The following KCNC2 variants were observed in gnomAD, a reference collection of about 807,000 sequenced individuals.
KCNC2 encodes the protein potassium voltage-gated channel subfamily C member 2.
In KCNC2, 21 loss-of-function variants were observed where a neutral mutation model predicts 44.5. That is an observed-to-expected ratio of 0.47 (90% CI 0.33 to 0.68). KCNC2 has a LOEUF of 0.68. KCNC2 is among the 30% of genes least tolerant of loss of function. KCNC2 has a pLI of 0.01. For missense variants in KCNC2, 589 were observed against 826.2 expected (o/e 0.71, Z 3.52); for synonymous variants, 391 against 339.1 (o/e 1.15, Z -1.68).
At chr12:75,076,372 A>G (rs1883976648) in intron 2 of KCNC2, among the ~76,000 whole-genome samples, 1 of 152,056 alleles carries the variant, frequency 6.6e-6, no homozygotes, top group Non-Finnish European at 1.5e-5. Flanking sequence ...TCGCGGGTTC[A>G]CGCCATTCTC....
At chr12:75,050,119 G>A (rs536368736) in intron 3 of KCNC2, among the ~76,000 whole-genome samples, 1 of 151,838 alleles carries the variant, frequency 6.6e-6, no homozygotes, top group South Asian at 2.1e-4. Context: ...GCAACAAACA[G>A]GCAAAAGAAA....
At chr12:75,181,742 A>T (rs375513233) in intron 2 of KCNC2, among the ~76,000 whole-genome samples, 124 of 152,090 alleles carry the variant, frequency 8.2e-4, no homozygotes, top group African/African-American at 2.6e-3. Context: ...ACCTCAACAG[A>T]TCTCAATTTC....
At chr12:75,192,840 C>T (rs946860831) in intron 2 of KCNC2, among the ~76,000 whole-genome samples, 6 of 151,942 alleles carry the variant, frequency 3.9e-5, no homozygotes, top group East Asian at 3.9e-4. Flanking sequence ...AGTAATCTAT[C>T]GCACAAAATG....
chr12:75,112,107 G>A (rs1887303760), intron 2 of KCNC2, among the ~76,000 whole-genome samples: 1 of 151,172 alleles, frequency 6.6e-6, no homozygotes, highest in Non-Finnish European at 1.5e-5. Flanking sequence ...TTTATTTTTT[G>A]TTAACTATAA....
rs564875054 is a variant in KCNC2, at chr12:75,102,636, CAT to C, written c.688-51321_688-51320del. On this transcript the variant is annotated intron_variant, in intron 2 of 4. Coordinates refer to ENST00000549446, the MANE Select transcript of KCNC2 (RefSeq NM_139137.4). The stretch of plus-strand genomic sequence containing the variant: ...ATACATTTATCTATGTAAACACACA[CAT>C]ATTTCTAATTAATATATGCATACGT... Among the ~76,000 whole-genome samples the C allele has an allele frequency of 1.5e-4, 23 of 152,160 alleles. No individual in the cohort carries two copies. The East Asian group carries it at 4.1e-3, about 27-fold the overall frequency.
intron 2 of KCNC2, among the ~76,000 whole-genome samples, chr12:75,060,406 C>T (rs1190683909): frequency 6.6e-6 from 1 of 151,970 alleles, no homozygotes; most frequent in Non-Finnish European, 1.5e-5. Flanking sequence ...ATGGCACTCA[C>T]CTGCTTAAAA....
chr12:75,200,501 C>T (rs2031155522), intron 2 of KCNC2, among the ~76,000 whole-genome samples: 1 of 151,758 alleles, frequency 6.6e-6, no homozygotes, highest in South Asian at 2.1e-4. Context: ...AAGCCATATT[C>T]CCACAAATCT....
At chr12:75,170,508 A>T (rs1371319442) in intron 2 of KCNC2, among the ~76,000 whole-genome samples, 2 of 151,780 alleles carry the variant, frequency 1.3e-5, no homozygotes, top group Non-Finnish European at 2.9e-5. Flanking sequence ...AAAAACCTGA[A>T]TACCTGAATG....
chr12:75,071,540 T>C (rs1883400167), intron 2 of KCNC2, among the ~76,000 whole-genome samples: 1 of 152,222 alleles, frequency 6.6e-6, no homozygotes. Flanking sequence ...AATAATAAAC[T>C]ATGCTTTCTA....
intron 2 of KCNC2, among the ~76,000 whole-genome samples, chr12:75,057,371 A>G (rs1197636724): frequency 2.6e-5 from 4 of 151,994 alleles, no homozygotes; most frequent in African/African-American, 9.7e-5. Flanking sequence ...TTAAAGGCCA[A>G]TCAAGTAGGA....
intron 2 of KCNC2, among the ~76,000 whole-genome samples, chr12:75,193,721 T>A (rs1389370789): frequency 6.6e-6 from 1 of 152,158 alleles, no homozygotes; most frequent in Non-Finnish European, 1.5e-5. Flanking sequence ...TAAAACTTAC[T>A]TTTTTAGACC....
chr12:75,143,596 G>A (rs2041304109), intron 2 of KCNC2, among the ~76,000 whole-genome samples: 1 of 152,060 alleles, frequency 6.6e-6, no homozygotes, highest in Non-Finnish European at 1.5e-5. Flanking sequence ...CCTTGATCTT[G>A]AGCTCTCCTT....
chr12:75,165,865 C>G (rs1891415539), intron 2 of KCNC2, among the ~76,000 whole-genome samples: 1 of 151,306 alleles, frequency 6.6e-6, no homozygotes, highest in Non-Finnish European at 1.5e-5. Flanking sequence ...AACAGGCTAG[C>G]CATTGCTTAT....
rs530185594 is a variant in KCNC2 at position 75,163,197 on chromosome 12, T to G, written c.687+44100A>C. Reference sequence around the variant, plus strand: ...TGGTTGCAAGAATAAAAGGGTGTGTTGCTGCTATCATGTGTTTTTACATTA... The same window carrying G: ...TGGTTGCAAGAATAAAAGGGTGTGTGGCTGCTATCATGTGTTTTTACATTA... On this transcript the variant is annotated intron_variant, in intron 2 of 4. Coordinates refer to ENST00000549446, the MANE Select transcript of KCNC2 (RefSeq NM_139137.4). Among the ~76,000 whole-genome samples the G allele has an allele frequency of 3.3e-5, 5 of 151,770 alleles. No homozygotes were observed. In the South Asian group the frequency reaches 1.0e-3, roughly 31 times the overall value.
chr12:75,056,202 G>A (rs1881729369), intron 2 of KCNC2, among the ~76,000 whole-genome samples: 1 of 151,864 alleles, frequency 6.6e-6, no homozygotes, highest in African/African-American at 2.4e-5. Flanking sequence ...TGTTGATTTG[G>A]TATGCAAAAA....
At chr12:75,201,023 T>G (rs907254537) in intron 2 of KCNC2, among the ~76,000 whole-genome samples, 1 of 151,374 alleles carries the variant, frequency 6.6e-6, no homozygotes, top group South Asian at 2.1e-4. Context: ...CCCTTGCAGG[T>G]GGTTGGATAT....
intron 1 of KCNC2, among the ~76,000 whole-genome samples, chr12:75,208,488 C>A (rs562206625): frequency 6.6e-6 from 1 of 151,942 alleles, no homozygotes; most frequent in African/African-American, 2.4e-5. Context: ...AGACCCTCCT[C>A]TTTCTCCCCT....
rs199735865 is a variant in KCNC2, at chr12:75,048,249, G to A, written c.1684C>T (p.Arg562Cys). Residue 562 changes from arginine (R) to cysteine (C), a missense_variant, in exon 4 of 5, where the codon CGC (arginine) becomes TGC (cysteine). Coordinates refer to ENST00000549446, the MANE Select transcript of KCNC2 (RefSeq NM_139137.4). ...LSPPERLPIR[R>C]SSTRDKNRRG... ...CTGTTTTTGTCTCTGGTACTAGAGC[G>A]TCTGATGGGGAGCCTTTCTGGGGGT... is the stretch of plus-strand genomic sequence containing the variant. 7.6e-5 allele frequency: 123 copies of A among 1,612,790 alleles called. No individual in the cohort carries two copies. Among genetic ancestry groups the A allele is most frequent in the Non-Finnish European group, 9.5e-5 (112 of 1,179,274 alleles).
intron 2 of KCNC2, among the ~76,000 whole-genome samples, chr12:75,162,036 G>C (rs1305723235): frequency 6.6e-6 from 1 of 151,508 alleles, no homozygotes; most frequent in Admixed American, 6.6e-5. Flanking sequence ...CAAGAGCCAA[G>C]TGTTAAGTGA....
Sources: allele counts gnomAD v4.1 joint callset (sites outside exome capture counted in the v4.1 genomes callset), GRCh38; gene constraint gnomAD v4.1.1; transcripts MANE v1.5; gene names NCBI Gene and HGNC (gene_info 2026-07-23, HGNC 2026-07-21).